The following FAF1 variants were observed in gnomAD, a reference collection of about 807,000 sequenced individuals.
FAF1 encodes Fas associated factor 1.
Under a neutral mutation model 92.5 loss-of-function variants are expected in FAF1, and 25 were observed. That is an observed-to-expected ratio of 0.27 (90% CI 0.20 to 0.38). The LOEUF (loss-of-function observed/expected upper bound fraction) is 0.38. FAF1 is among the 10% of genes least tolerant of loss of function. FAF1 has a pLI of 1.00. For missense variants in FAF1, 636 were observed against 793.3 expected (o/e 0.80, Z 2.38); for synonymous variants, 234 against 273.2 (o/e 0.86, Z 1.42).
intron 8 of FAF1, among the ~76,000 whole-genome samples, chr1:50,632,626 G>A (rs566300148): frequency 2.6e-5 from 4 of 152,184 alleles, no homozygotes; most frequent in South Asian, 2.1e-4. Context: ...CAGCAGATTC[G>A]CATGGTTCAA....
In FAF1 at chr1:50,578,655, T is replaced by G. The variant is rs186217121; in HGVS notation, c.1113+3963A>C. 5.9e-5 allele frequency among the ~76,000 whole-genome samples: 9 copies of G among 152,282 alleles called. No homozygotes were observed. In the East Asian group the frequency reaches 1.7e-3, roughly 29 times the overall value. On this transcript the variant is annotated intron_variant, in intron 12 of 18. Transcript: ENST00000396153. ...CTTTCTCATCTCTAAAATGGGAATA[T>G]GAGGATTATATATCCCTATTTCACT...
intron 1 of FAF1, among the ~76,000 whole-genome samples, chr1:50,935,122 A>T (rs1383749915): frequency 6.6e-6 from 1 of 152,244 alleles, no homozygotes; most frequent in Non-Finnish European, 1.5e-5. Flanking sequence ...TATAACCAAC[A>T]AGAAATATTT....
At position 50,446,382 on chromosome 1, in the gene FAF1, G is replaced by T. The variant is rs541554001; in HGVS notation, c.1870-4859C>A. Among the ~76,000 whole-genome samples, 34 of 152,272 alleles carry T rather than the reference G, an allele frequency of 2.2e-4. No homozygotes were observed. In the South Asian group the frequency reaches 6.8e-3, roughly 31 times the overall value. ...AATATTTCAAAATCCAAAACTTTTTGAGTGCTGACATGATGCTCAAAACAA... is the reference window on the plus strand; with the variant it reads ...AATATTTCAAAATCCAAAACTTTTTTAGTGCTGACATGATGCTCAAAACAA... On this transcript the variant is annotated intron_variant, in intron 18 of 18. Coordinates refer to ENST00000396153, the MANE Select transcript of FAF1 (RefSeq NM_007051.3).
At chr1:50,497,161 GAGAAA>G (rs1336638566) in intron 15 of FAF1, among the ~76,000 whole-genome samples, 4 of 152,006 alleles carry the variant, frequency 2.6e-5, no homozygotes, top group Non-Finnish European at 4.4e-5. Context: ...AAAGCAGCTG[GAGAAA>G]AGAAAAGACA....
At chr1:50,700,340 T>G (rs572627760) in intron 7 of FAF1, among the ~76,000 whole-genome samples, 3 of 151,980 alleles carry the variant, frequency 2.0e-5, no homozygotes, top group Non-Finnish European at 4.4e-5. Context: ...CTCAAATCAT[T>G]TGGAGTCGAA....
At chr1:50,518,482 C>T (rs577792271) in intron 15 of FAF1, among the ~76,000 whole-genome samples, 1 of 151,744 alleles carries the variant, frequency 6.6e-6, no homozygotes, top group South Asian at 2.1e-4. Context: ...ACTCTGTTGC[C>T]CAGGCTGGAG....
At chr1:50,704,149 T>A (rs1185633010) in intron 7 of FAF1, among the ~76,000 whole-genome samples, 1 of 152,198 alleles carries the variant, frequency 6.6e-6, no homozygotes. Context: ...GCCATTATGC[T>A]CCTTTTTGTT....
At chr1:50,614,783 G>A (rs937026120) in intron 8 of FAF1, among the ~76,000 whole-genome samples, 1 of 147,324 alleles carries the variant, frequency 6.8e-6, no homozygotes, top group African/African-American at 2.5e-5. Context: ...AGGTTGCAGT[G>A]AGCCGAGATC....
intron 8 of FAF1, among the ~76,000 whole-genome samples, chr1:50,636,326 G>T (rs989068100): frequency 6.7e-6 from 1 of 149,254 alleles, no homozygotes; most frequent in Admixed American, 6.7e-5. Context: ...TACCATACCT[G>T]ATCTGAGGCA....
chr1:50,495,629 AG>A (rs1441883410), intron 15 of FAF1, among the ~76,000 whole-genome samples: 1 of 152,228 alleles, frequency 6.6e-6, no homozygotes, highest in East Asian at 1.9e-4. Context: ...TATACCCAGC[AG>A]TGGGATTGCT....
chr1:50,776,957 T>A (rs892057723), intron 4 of FAF1, among the ~76,000 whole-genome samples: 1 of 151,062 alleles, frequency 6.6e-6, no homozygotes, highest in South Asian at 2.1e-4. Flanking sequence ...TTTGGTGATT[T>A]AAAAAAAAAT....
At chr1:50,897,570 C>T (rs1644767410) in intron 1 of FAF1, among the ~76,000 whole-genome samples, 1 of 152,082 alleles carries the variant, frequency 6.6e-6, no homozygotes, top group Admixed American at 6.6e-5. Flanking sequence ...TTATTATCTC[C>T]AAAGCTATAA....
intron 1 of FAF1, among the ~76,000 whole-genome samples, chr1:50,927,842 T>C (rs925583064): frequency 7.2e-5 from 11 of 152,316 alleles, no homozygotes; most frequent in South Asian, 2.1e-4. Flanking sequence ...TGTGTTCACA[T>C]TGTTCTTCCT....
intron 1 of FAF1, among the ~76,000 whole-genome samples, chr1:50,942,639 TG>T (rs958419901): frequency 2.0e-5 from 3 of 152,172 alleles, no homozygotes; most frequent in African/African-American, 7.2e-5. Flanking sequence ...GCTAACAACC[TG>T]GCCTGTTACA....
intron 2 of FAF1, among the ~76,000 whole-genome samples, chr1:50,815,921 G>T (rs1369232226): frequency 6.6e-6 from 1 of 151,918 alleles, no homozygotes. Flanking sequence ...CAGCTACTCT[G>T]GGGGCTGAGG....
chr1:50,886,611 G>A (rs925658233), intron 1 of FAF1, among the ~76,000 whole-genome samples: 3 of 151,250 alleles, frequency 2.0e-5, no homozygotes, highest in Admixed American at 6.6e-5. Context: ...TCCCACCTAT[G>A]AGTGAGAACA....
intron 2 of FAF1, among the ~76,000 whole-genome samples, chr1:50,820,868 C>T (rs374937721): frequency 2.1e-4 from 32 of 150,824 alleles, no homozygotes; most frequent in African/African-American, 7.8e-4. Context: ...TGTGTGTGTA[C>T]ACATACCAGA....
Position 50,896,903 on chromosome 1 carries a change from G to A in FAF1, c.46-38906C>T, listed in dbSNP as rs550267901. 2.6e-5 allele frequency among the ~76,000 whole-genome samples: 4 copies of A among 152,054 alleles called. No homozygotes were observed. The East Asian group carries it at 7.7e-4, about 29-fold the overall frequency. The stretch of plus-strand genomic sequence containing the variant: ...CAATTTAACTATACTTAATACCACT[G>A]GATCTGTATATTTAAAAATGGCTTC... On this transcript the variant is annotated intron_variant, in intron 1 of 18. Coordinates refer to ENST00000396153, the MANE Select transcript of FAF1 (RefSeq NM_007051.3).
At chr1:50,462,279 G>A (rs1015895157) in intron 18 of FAF1, 7 of 151,890 alleles carry the variant, frequency 4.6e-5, no homozygotes, top group East Asian at 1.9e-4. Context: ...ATTTTATATC[G>A]ATTTTTAAAT....
Sources: allele counts gnomAD v4.1 joint callset (sites outside exome capture counted in the v4.1 genomes callset), GRCh38; gene constraint gnomAD v4.1.1; transcripts MANE v1.5; gene names NCBI Gene and HGNC (gene_info 2026-07-23, HGNC 2026-07-21).